WAPL: variants seen among roughly 807,000 people sequenced by gnomAD.
WAPL encodes WAPL cohesin release factor.
A neutral mutation model predicts 121.0 loss-of-function variants in WAPL; 5 were observed. The ratio of observed to expected loss-of-function variants is 0.04; its 90% confidence interval spans 0.02 to 0.09. WAPL has a LOEUF of 0.09. Ranked by LOEUF, WAPL falls within the 10% of genes least tolerant of loss-of-function variation. The pLI is 1.00. For missense variants in WAPL, 999 were observed against 1,410.8 expected (o/e 0.71, Z 4.68); for synonymous variants, 480 against 481.5 (o/e 1.00, Z 0.04).
intron 4 of WAPL, among the ~76,000 whole-genome samples, chr10:86,476,357 T>A (rs1385061979): frequency 1.3e-5 from 2 of 149,842 alleles, no homozygotes; most frequent in Non-Finnish European, 3.0e-5. Flanking sequence ...AGAGCGAGAC[T>A]CTGTCTCAAA....
intron 2 of WAPL, among the ~76,000 whole-genome samples, chr10:86,512,175 A>C (rs1842476243): frequency 6.6e-6 from 1 of 152,228 alleles, no homozygotes; most frequent in South Asian, 2.1e-4. Flanking sequence ...TTCAGTAATA[A>C]AACATTTCCC....
At chr10:86,446,000 G>A (rs1017938688) in intron 16 of WAPL, among the ~76,000 whole-genome samples, 2 of 152,072 alleles carry the variant, frequency 1.3e-5, no homozygotes, top group Non-Finnish European at 2.9e-5. Flanking sequence ...GGAGGGCCCC[G>A]GAAGGAAGAG....
intron 17 of WAPL, among the ~76,000 whole-genome samples, chr10:86,438,606 T>C (rs1248600416): frequency 6.6e-6 from 1 of 152,236 alleles, no homozygotes; most frequent in East Asian, 1.9e-4. Context: ...CACTGTTTAA[T>C]GTATGTGTGT....
intron 2 of WAPL, among the ~76,000 whole-genome samples, chr10:86,502,174 T>G (rs1448720063): frequency 6.6e-6 from 1 of 152,216 alleles, no homozygotes; most frequent in African/African-American, 2.4e-5. Flanking sequence ...GAACACTGTT[T>G]CCTGGTTTTT....
intron 8 of WAPL, among the ~76,000 whole-genome samples, chr10:86,467,738 G>A (rs1340160270): frequency 6.7e-6 from 1 of 150,060 alleles, no homozygotes. Context: ...GTGCAGTGGC[G>A]CAATCTCGGC....
intron 1 of WAPL, among the ~76,000 whole-genome samples, chr10:86,521,159 A>C (rs960924231): frequency 2.6e-5 from 4 of 151,894 alleles, no homozygotes; most frequent in East Asian, 1.9e-4. Context: ...TGGGGAGCTA[A>C]GTCAATCAGC....
At chr10:86,478,847 C>A (rs1399389692) in intron 4 of WAPL, among the ~76,000 whole-genome samples, 1 of 152,124 alleles carries the variant, frequency 6.6e-6, no homozygotes, top group Non-Finnish European at 1.5e-5. Flanking sequence ...GTAATCCCAG[C>A]ACTTTGGGAG....
At chr10:86,471,513 T>A (rs550170094) in intron 7 of WAPL, among the ~76,000 whole-genome samples, 8 of 152,302 alleles carry the variant, frequency 5.3e-5, no homozygotes, top group Non-Finnish European at 8.8e-5. Flanking sequence ...CAAAAGATCA[T>A]CTTTTTGAGC....
rs1849311692 is a variant in WAPL, at chr10:86,436,008, G to A, written c.*1535C>T. 1 of 152,462 alleles carries A rather than the reference G, an allele frequency of 6.6e-6. No homozygotes were observed. Among genetic ancestry groups the A allele is most frequent in the African/African-American group, 2.4e-5 (1 of 41,400 alleles). 9.4% of individuals were successfully genotyped at this position (152,462 alleles called of 1,614,324 possible). A position where few individuals can be genotyped will look rare whatever the true frequency, so the allele number is the denominator to read the frequency against. On this transcript the variant is annotated 3_prime_UTR_variant, in exon 19 of 19. Coordinates refer to ENST00000298767, the MANE Select transcript of WAPL (RefSeq NM_015045.5). ...ACACTGGCGTACTATGTTCTTAAAA[G>A]GTGATGGGTAGGGGTTGGGGTGGGT...
intron 2 of WAPL, among the ~76,000 whole-genome samples, chr10:86,515,864 C>CTTTTTTTTTTTTTTTTTTTTTTT (rs377683656): frequency 9.9e-6 from 1 of 101,148 alleles, no homozygotes; most frequent in Non-Finnish European, 1.8e-5. Context: ...CTGTCTATGC[C>CTTTTTTTTTTTTTTTTTTTTTTT]TTTTTTTTTT....
intron 17 of WAPL, among the ~76,000 whole-genome samples, chr10:86,443,042 C>A (rs375854681): frequency 8.8e-3 from 1,085 of 122,972 alleles, no homozygotes; most frequent in Middle Eastern, 0.012. Context: ...GACTCCGCCT[C>A]AAAAAAAAAA....
chr10:86,440,458 T>TC, intron 17 of WAPL, among the ~76,000 whole-genome samples: 1 of 151,426 alleles, frequency 6.6e-6, no homozygotes, highest in Non-Finnish European at 1.5e-5. Flanking sequence ...CGGCTAATTT[T>TC]TTTTTTGTAT....
intron 4 of WAPL, among the ~76,000 whole-genome samples, chr10:86,489,331 T>C (rs1383854298): frequency 1.5e-4 from 23 of 152,222 alleles, no homozygotes; most frequent in Non-Finnish European, 8.8e-5. Context: ...ATGCTGAAAT[T>C]TGAATGGGAT....
chr10:86,436,138 TAA>T lies in WAPL; in HGVS notation c.*1403_*1404del, dbSNP rs1237636050. 1 of 152,630 alleles carries T rather than the reference TAA, an allele frequency of 6.6e-6. No homozygotes were observed. The highest frequency in any genetic ancestry group is 1.5e-5 in the Non-Finnish European group (1 of 68,038). 9.5% of individuals were successfully genotyped at this position (152,630 alleles called of 1,614,324 possible). ...GACAATAGAAGGCAGCCACTGCATT[TAA>T]AAACATTACAGCTGGCACTGATACA... On this transcript the variant is annotated 3_prime_UTR_variant, in exon 19 of 19. Coordinates refer to ENST00000298767, the MANE Select transcript of WAPL (RefSeq NM_015045.5).
intron 2 of WAPL, among the ~76,000 whole-genome samples, chr10:86,504,258 G>A (rs3858281): frequency 0.6 from 90,780 of 150,890 alleles, 30,123 homozygotes; most frequent in Non-Finnish European, 0.75. Context: ...AATAACTTAT[G>A]AAGGATACTC....
intron 2 of WAPL, among the ~76,000 whole-genome samples, chr10:86,511,085 AC>A (rs1842455969): frequency 6.6e-6 from 1 of 151,854 alleles, no homozygotes; most frequent in African/African-American, 2.4e-5. Context: ...ACTTTGGCCT[AC>A]CCAAGTGCTG....
rs757514312 is a variant in WAPL at position 86,461,181 on chromosome 10, T to C, written c.2477A>G (p.Asp826Gly). ...TCTAAATGTAAATATCATACCTTTATCTACAATATGATCCAGACCACCCAA... is the reference window on the plus strand; with the variant it reads ...TCTAAATGTAAATATCATACCTTTACCTACAATATGATCCAGACCACCCAA... Reference protein sequence around the residue: ...RLLGGLDHIVDKVKECVDHLS... With the variant: ...RLLGGLDHIVGKVKECVDHLS... The change falls in exon 10 of 19, where the codon GAT becomes GGT. Residue 826 changes from aspartate (D) to glycine (G), a missense_variant. Asp to Gly is a moderately conservative substitution (Grantham distance 94). Around this residue, in one of 7 missense-constraint regions of WAPL, gnomAD observed 118 missense variants for 318.3 expected, o/e 0.37. Coordinates refer to ENST00000298767, the MANE Select transcript of WAPL (RefSeq NM_015045.5). 14 of 1,607,940 alleles carry C rather than the reference T, an allele frequency of 8.7e-6. No individual in the cohort carries two copies. The highest frequency in any genetic ancestry group is 1.2e-5 in the Non-Finnish European group (14 of 1,175,634).
intron 17 of WAPL, among the ~76,000 whole-genome samples, chr10:86,439,749 T>C (rs1294901818): frequency 3.9e-5 from 6 of 152,170 alleles, no homozygotes; most frequent in Non-Finnish European, 5.9e-5. Context: ...GTAAGTGCTC[T>C]GAAGTAAGTT....
At chr10:86,438,379 G>C (rs767978732) in intron 17 of WAPL, among the ~76,000 whole-genome samples, 4 of 151,802 alleles carry the variant, frequency 2.6e-5, no homozygotes, top group Non-Finnish European at 5.9e-5. Context: ...TCAGCCTCCC[G>C]GGTAGCCGGG....
Sources: gnomAD v4.1 joint callset for allele counts (sites outside exome capture counted in the v4.1 genomes callset) on GRCh38, gnomAD v4.1.1 for gene constraint, gnomAD v4.1.1 regional missense constraint, MANE v1.5 for transcripts, NCBI Gene and HGNC (gene_info 2026-07-23, HGNC 2026-07-21) for gene names.